RALY: variants seen among roughly 807,000 people sequenced by gnomAD.
RALY encodes the protein RALY heterogeneous nuclear ribonucleoprotein.
A neutral mutation model predicts 30.7 loss-of-function variants in RALY; 15 were observed. The ratio of observed to expected loss-of-function variants is 0.49; its 90% CI spans 0.33 to 0.75. The LOEUF (loss-of-function observed/expected upper bound fraction) is 0.75. RALY is among the 30% of genes least tolerant of loss of function. RALY has a pLI of 0.02. For missense variants in RALY, 339 were observed against 414.3 expected (o/e 0.82, Z 1.58); for synonymous variants, 177 against 170.8 (o/e 1.04, Z -0.28).
chr20:34,053,617 G>A (rs986671133), intron 2 of RALY, among the ~76,000 whole-genome samples: 1 of 151,820 alleles, frequency 6.6e-6, no homozygotes, highest in African/African-American at 2.4e-5. Flanking sequence ...GACTGGTCTT[G>A]AACTCCTGAG....
At chr20:34,057,172 T>C (rs1410693828) in intron 2 of RALY, among the ~76,000 whole-genome samples, 1 of 152,126 alleles carries the variant, frequency 6.6e-6, no homozygotes, top group Non-Finnish European at 1.5e-5. Context: ...TTGAAAAAAT[T>C]AGGCTACAGA....
chr20:34,032,180 C>T (rs1412212243), intron 2 of RALY, among the ~76,000 whole-genome samples: 1 of 152,198 alleles, frequency 6.6e-6, no homozygotes, highest in Non-Finnish European at 1.5e-5. Flanking sequence ...TCAGACTGGT[C>T]TCGAACTCCC....
At chr20:34,011,955 A>C (rs1021306072) in intron 1 of RALY, among the ~76,000 whole-genome samples, 2 of 152,096 alleles carry the variant, frequency 1.3e-5, no homozygotes, top group Non-Finnish European at 2.9e-5. Context: ...AGTCCCAGCT[A>C]CTTGGGAGGC....
intron 1 of RALY, among the ~76,000 whole-genome samples, chr20:33,996,980 G>A (rs1012993719): frequency 2.0e-5 from 3 of 152,182 alleles, no homozygotes; most frequent in African/African-American, 7.2e-5. Context: ...CAGCAGAGAT[G>A]TGGCATGCAG....
intron 1 of RALY, among the ~76,000 whole-genome samples, chr20:34,012,465 C>CT (rs1165141066): frequency 2.6e-5 from 4 of 151,660 alleles, no homozygotes; most frequent in Non-Finnish European, 1.5e-5. Flanking sequence ...TCTTCTTTTT[C>CT]CTTTCCTCCG....
chr20:34,040,016 CAGG>C (rs1315930103), intron 2 of RALY, among the ~76,000 whole-genome samples: 1 of 151,864 alleles, frequency 6.6e-6, no homozygotes, highest in African/African-American at 2.4e-5. Flanking sequence ...GAGGCTGAGG[CAGG>C]AGAATCGCTT....
rs1265506373 is a variant in RALY at position 34,008,344 on chromosome 20, CA to C, written c.-93+14214del. ...AAGCATGGGGAATGCCATCCTGCAT[CA>C]GGGGAGAACATATATTTAGCGTTGT... On this transcript the variant is annotated intron_variant, in intron 1 of 9. Transcript: ENST00000246194. Among the ~76,000 whole-genome samples, 3 of 152,140 alleles carry C rather than the reference CA, an allele frequency of 2.0e-5. No homozygotes were observed. The East Asian group carries it at 5.8e-4, about 29-fold the overall frequency.
chr20:34,008,651 G>A (rs113632480), intron 1 of RALY, among the ~76,000 whole-genome samples: 7 of 152,286 alleles, frequency 4.6e-5, no homozygotes, highest in South Asian at 2.1e-4. Context: ...TTGGCCTGCA[G>A]TAGTGGTGTC....
chr20:34,077,099 AGTG>A lies in RALY; in HGVS notation c.738_740del (p.Gly251del). ...TGGTGGTGGCAGCGGTGGCGGTGGC[AGTG>A]GTGGTGGCGGTGGCGGTGGCAGCAG... On this transcript the variant is annotated inframe_deletion, in exon 8 of 10. Coordinates refer to ENST00000246194, the MANE Select transcript of RALY (RefSeq NM_016732.3). The A allele has an allele frequency of 6.2e-7, 1 of 1,604,960 alleles. No homozygotes were observed. Among genetic ancestry groups the A allele is most frequent in the East Asian group, 2.2e-5 (1 of 44,692 alleles).
intron 1 of RALY, among the ~76,000 whole-genome samples, chr20:34,001,153 T>TC (rs1437645156): frequency 1.3e-5 from 2 of 152,216 alleles, no homozygotes; most frequent in Non-Finnish European, 2.9e-5. Context: ...TATGCTGAGT[T>TC]CCATTATAAA....
At chr20:34,073,109 T>G (rs891149530) in intron 3 of RALY, among the ~76,000 whole-genome samples, 1 of 152,198 alleles carries the variant, frequency 6.6e-6, no homozygotes, top group Non-Finnish European at 1.5e-5. Flanking sequence ...CTCATTTGCA[T>G]GTGGGTAGTT....
chr20:34,069,297 C>T (rs1419946376), intron 2 of RALY, among the ~76,000 whole-genome samples: 2 of 152,184 alleles, frequency 1.3e-5, no homozygotes, highest in Non-Finnish European at 2.9e-5. Flanking sequence ...TCATTCCAAA[C>T]CCCAAGGAAT....
intron 2 of RALY, among the ~76,000 whole-genome samples, chr20:34,046,586 C>G (rs1487190067): frequency 1.3e-5 from 2 of 152,158 alleles, no homozygotes; most frequent in African/African-American, 2.4e-5. Context: ...CGGCACTTTG[C>G]TAAGTGTCCA....
At chr20:34,001,992 C>CCA (rs1380238310) in intron 1 of RALY, among the ~76,000 whole-genome samples, 1 of 152,168 alleles carries the variant, frequency 6.6e-6, no homozygotes, top group Non-Finnish European at 1.5e-5. Flanking sequence ...TGGTCTCGAT[C>CCA]TCCTGACCTG....
At chr20:34,044,628 A>G (rs2032817208) in intron 2 of RALY, among the ~76,000 whole-genome samples, 1 of 152,162 alleles carries the variant, frequency 6.6e-6, no homozygotes, top group Non-Finnish European at 1.5e-5. Context: ...GAGCCACCAC[A>G]CCTGACGTGT....
chr20:34,057,747 G>A (rs1222717507), intron 2 of RALY, among the ~76,000 whole-genome samples: 1 of 151,818 alleles, frequency 6.6e-6, no homozygotes, highest in East Asian at 1.9e-4. Flanking sequence ...TGTGGTGACA[G>A]TAGAGGATTA....
At chr20:34,074,619 G>A (rs1463001170) in intron 5 of RALY, among the ~76,000 whole-genome samples, 2 of 152,162 alleles carry the variant, frequency 1.3e-5, no homozygotes, top group East Asian at 3.9e-4. Context: ...TAGCCTGGGG[G>A]TCAGAAGATT....
At chr20:34,063,729 A>G (rs2033484982) in intron 2 of RALY, among the ~76,000 whole-genome samples, 1 of 152,184 alleles carries the variant, frequency 6.6e-6, no homozygotes, top group African/African-American at 2.4e-5. Context: ...AGAGGAGAAT[A>G]AGGGGATCAA....
chr20:34,048,341 T>C (rs1251942023), intron 2 of RALY, among the ~76,000 whole-genome samples: 1 of 152,096 alleles, frequency 6.6e-6, no homozygotes, highest in African/African-American at 2.4e-5. Flanking sequence ...TCTCCTATGC[T>C]ATGGAGCATA....
Sources: allele counts gnomAD v4.1 joint callset (sites outside exome capture counted in the v4.1 genomes callset), GRCh38; gene constraint gnomAD v4.1.1; transcripts MANE v1.5; gene names NCBI Gene and HGNC (gene_info 2026-07-23, HGNC 2026-07-21).